Variants in SHCBP1L observed in about 807,000 individuals in gnomAD.
SHCBP1L encodes testicular spindle-associated protein SHCBP1L.
A neutral mutation model predicts 62.5 loss-of-function variants in SHCBP1L; 67 were observed. That is an observed-to-expected ratio of 1.07 (90% CI 0.88 to 1.31). SHCBP1L has a LOEUF of 1.31. SHCBP1L is among the 40% of genes most tolerant of loss of function. The pLI, the probability that SHCBP1L is intolerant of heterozygous loss-of-function variation, is 0.00. For missense variants in SHCBP1L, 823 were observed against 809.8 expected (o/e 1.02, Z -0.20); for synonymous variants, 284 against 289.4 (o/e 0.98, Z 0.19).
At chr1:182,939,585 C>A (rs1553247002) in intron 3 of SHCBP1L, 32 bp from the exon 4 acceptor site, 3 of 1,472,508 alleles carry the variant, frequency 2.0e-6, no homozygotes, top group South Asian at 2.5e-5. Flanking sequence ...TGACAGTAAT[C>A]AAAAACAGCC....
At chr1:182,949,947 G>A (rs761828765) in intron 2 of SHCBP1L, among the ~76,000 whole-genome samples, 45 of 151,098 alleles carry the variant, frequency 3.0e-4, no homozygotes, top group Non-Finnish European at 5.9e-4. Context: ...GACCACAGGT[G>A]TGTGCCTGTT....
rs1651690565 is a variant in SHCBP1L, at chr1:182,949,853, G to A, written c.555+1465C>T. ...TTTTTTTTTTTTTTTTTGAGATGGG[G>A]CCTCACTATGTCACCCAGGCTCACT... On this transcript the variant is annotated intron_variant, in intron 2 of 9. Coordinates refer to ENST00000367547, the MANE Select transcript of SHCBP1L (RefSeq NM_030933.4). 2.0e-5 allele frequency among the ~76,000 whole-genome samples: 3 copies of A among 147,908 alleles called. No homozygotes were observed. In the South Asian group the frequency reaches 6.4e-4, roughly 32 times the overall value.
chr1:182,901,902 G>A (rs1467518833), intron 9 of SHCBP1L, among the ~76,000 whole-genome samples: 2 of 151,926 alleles, frequency 1.3e-5, no homozygotes, highest in African/African-American at 2.4e-5. Context: ...AAGCAGAGTG[G>A]GCCTCTGCAA....
In SHCBP1L at chr1:182,951,530, G is replaced by A. The variant is rs552268908; in HGVS notation, c.406-63C>T. The A allele has an allele frequency of 1.2e-5, 10 of 831,574 alleles. No homozygotes were observed. The East Asian group carries it at 1.4e-4, about 12-fold the overall frequency. The allele number at this position is 831,574 out of a possible 1,614,324, so 51.5% of individuals were successfully genotyped here. On this transcript the variant is annotated intron_variant, in intron 1 of 9. Coordinates refer to ENST00000367547, the MANE Select transcript of SHCBP1L (RefSeq NM_030933.4). ...GAAATTATAGATTTTAAACTAAGTG[G>A]TTTTTTTTTTTTTTACTGATTTCTA...
At chr1:182,904,540 T>C (rs1013159770) in intron 7 of SHCBP1L, 110 bp from the exon 8 acceptor site, 34 of 453,082 alleles carry the variant, frequency 7.5e-5, no homozygotes, top group East Asian at 3.9e-4. Context: ...TGTGCGTGTG[T>C]GTGTGTGTGT....
chr1:182,949,104 C>T lies in SHCBP1L; in HGVS notation c.555+2214G>A, dbSNP rs551101114. 1.1e-3 allele frequency among the ~76,000 whole-genome samples: 169 copies of T among 151,800 alleles called. 1 individual carries two copies. The Middle Eastern group carries it at 0.031, about 28-fold the overall frequency. Reference sequence around the variant, plus strand: ...GATAGAACTTTAAGGTTACCTAATCCACTGAGTTTCCATGGAACTTTAGAG... The same window carrying T: ...GATAGAACTTTAAGGTTACCTAATCTACTGAGTTTCCATGGAACTTTAGAG... On this transcript the variant is annotated intron_variant, in intron 2 of 9. Transcript: ENST00000367547.
chr1:182,916,109 C>A (rs1168987185), intron 6 of SHCBP1L, among the ~76,000 whole-genome samples: 1 of 151,778 alleles, frequency 6.6e-6, no homozygotes, highest in East Asian at 1.9e-4. Flanking sequence ...CCCGGCCTGA[C>A]AACATATTCT....
chr1:182,938,869 C>T (rs983420722), intron 5 of SHCBP1L, among the ~76,000 whole-genome samples: 1 of 152,190 alleles, frequency 6.6e-6, no homozygotes, highest in Non-Finnish European at 1.5e-5. Flanking sequence ...ATTTGCTTCA[C>T]ATATTATATA....
intron 6 of SHCBP1L, among the ~76,000 whole-genome samples, chr1:182,924,778 A>T (rs868588535): frequency 1.0e-5 from 1 of 99,068 alleles, no homozygotes; most frequent in Admixed American, 9.5e-5. Flanking sequence ...GAAAGAAAGA[A>T]AGAAAGAAAG....
At chr1:182,952,229 T>TAC (rs1558007630) in intron 1 of SHCBP1L, among the ~76,000 whole-genome samples, 54 of 60,544 alleles carry the variant, frequency 8.9e-4, no homozygotes, top group African/African-American at 4.7e-3. Flanking sequence ...TATATATATA[T>TAC]ATATATACAC....
chr1:182,934,992 T>A (rs1213078941), intron 5 of SHCBP1L, among the ~76,000 whole-genome samples: 1 of 152,104 alleles, frequency 6.6e-6, no homozygotes, highest in Non-Finnish European at 1.5e-5. Flanking sequence ...GACTCTCTAA[T>A]CTGGACTATA....
At chr1:182,916,808 C>G (rs769627133) in intron 6 of SHCBP1L, among the ~76,000 whole-genome samples, 14 of 152,130 alleles carry the variant, frequency 9.2e-5, no homozygotes, top group Non-Finnish European at 1.5e-4. Flanking sequence ...ATCTACCAAA[C>G]ATTTCAAAAA....
At chr1:182,912,689 A>G (rs990476709) in intron 6 of SHCBP1L, among the ~76,000 whole-genome samples, 2 of 151,504 alleles carry the variant, frequency 1.3e-5, no homozygotes, top group African/African-American at 4.8e-5. Flanking sequence ...CACCCAGCAA[A>G]TTTTTGTATT....
chr1:182,946,544 T>C (rs1344258788), intron 2 of SHCBP1L, among the ~76,000 whole-genome samples: 1 of 152,104 alleles, frequency 6.6e-6, no homozygotes, highest in African/African-American at 2.4e-5. Flanking sequence ...TACCAGCAAA[T>C]TTTCATGTAA....
At chr1:182,909,510 A>G (rs1650113841) in intron 6 of SHCBP1L, among the ~76,000 whole-genome samples, 1 of 152,232 alleles carries the variant, frequency 6.6e-6, no homozygotes, top group Admixed American at 6.5e-5. Context: ...CTAGGATGTC[A>G]TGGAAGGAGG....
Position 182,900,111 on chromosome 1 carries a change from T to C in SHCBP1L, c.1834A>G (p.Arg612Gly), listed in dbSNP as rs1322463998. The C allele has an allele frequency of 6.2e-7, 1 of 1,612,604 alleles. No homozygotes were observed. Among genetic ancestry groups the C allele is most frequent in the Non-Finnish European group, 8.5e-7 (1 of 1,179,170 alleles). The change falls in exon 10 of 10, where the codon AGG becomes GGG. Residue 612 changes from arginine (R) to glycine (G), a missense_variant. Coordinates refer to ENST00000367547, the MANE Select transcript of SHCBP1L (RefSeq NM_030933.4). Reference sequence around the variant, plus strand: ...TCTTTTTTATCTCCTGAAGAAGCCCTTTTGTTGAGAGCTTCTTCTGCTACG... The same window carrying C: ...TCTTTTTTATCTCCTGAAGAAGCCCCTTTGTTGAGAGCTTCTTCTGCTACG... ...FIVAEEALNK[R>G]ASSGDKKDDK...
chr1:182,903,924 C>T (rs1256145205), intron 8 of SHCBP1L, among the ~76,000 whole-genome samples: 1 of 152,126 alleles, frequency 6.6e-6, no homozygotes, highest in Non-Finnish European at 1.5e-5. Context: ...TATGTTATAG[C>T]CACTCTTTTC....
At chr1:182,907,156 G>A (rs1221171745) in intron 6 of SHCBP1L, among the ~76,000 whole-genome samples, 1 of 151,796 alleles carries the variant, frequency 6.6e-6, no homozygotes, top group Non-Finnish European at 1.5e-5. Context: ...ATCCTGGCCG[G>A]GCACAGTGAC....
chr1:182,934,003 C>T (rs1394672085), intron 5 of SHCBP1L, among the ~76,000 whole-genome samples: 1 of 152,106 alleles, frequency 6.6e-6, no homozygotes, highest in Non-Finnish European at 1.5e-5. Flanking sequence ...ATTCAATCTA[C>T]TTAACTTGTT....
Sources: gnomAD v4.1 joint callset for allele counts (sites outside exome capture counted in the v4.1 genomes callset) on GRCh38, gnomAD v4.1.1 for gene constraint, MANE v1.5 for transcripts, NCBI Gene and HGNC (gene_info 2026-07-23, HGNC 2026-07-21) for gene names.